ABCA7: variants seen among roughly 807,000 people sequenced by gnomAD.
ABCA7 encodes ATP binding cassette subfamily A member 7.
ABCA7 carries 261 observed loss-of-function variants against 227.6 expected under a neutral mutation model. The observed-to-expected ratio is 1.15, with a 90% CI of 1.04 to 1.27. The LOEUF is 1.27. Among genes scored for constraint, ABCA7 ranks in the 50% most tolerant of loss-of-function variants. The pLI, the probability that ABCA7 is intolerant of heterozygous loss-of-function variation, is 0.00. For synonymous variants in ABCA7, 1,488 were observed against 1,279.7 expected (o/e 1.16, Z -3.47); for missense variants, 3,331 against 2,924.5 (o/e 1.14, Z -3.21).
intron 16 of ABCA7, 89 bp downstream of exon 16, chr19:1,047,743 G>C (rs891188207): frequency 7.2e-7 from 1 of 1,381,736 alleles, no homozygotes; most frequent in Non-Finnish European, 9.6e-7. Flanking sequence ...CCGTTTGGGG[G>C]TGGGGGGTGG....
intron 21 of ABCA7, 21 bp downstream of exon 21, chr19:1,051,607 T>C (rs760893980): frequency 1.9e-6 from 3 of 1,600,060 alleles, no homozygotes; most frequent in Non-Finnish European, 2.6e-6. Flanking sequence ...GGGATTCTGC[T>C]CGAGGGGCCA....
chr19:1,063,041 C>G (rs1320493824), intron 42 of ABCA7, among the ~76,000 whole-genome samples: 1 of 144,766 alleles, frequency 6.9e-6, no homozygotes, highest in Admixed American at 6.8e-5. Flanking sequence ...ACCCCATACT[C>G]ATGCTGTCTC....
At position 1,045,112 on chromosome 19, in the gene ABCA7, A is replaced by G. The variant is rs767001837; in HGVS notation, c.1326A>G (p.Gly442=). 7 of 1,612,710 alleles carry G rather than the reference A, an allele frequency of 4.3e-6. No homozygotes were observed. The highest frequency in any genetic ancestry group is 5.1e-6 in the Non-Finnish European group (6 of 1,179,932). The change falls in exon 12 of 47, where the codon GGA becomes GGG. Residue 442 remains glycine, a synonymous_variant. Transcript: ENST00000263094. ...TCTGGGCCGGCGTCGTCTTCTTGGG[A>G]CCTGAGGACTCTTCAGACCCCACAG... The part of the protein sequence containing the change: ...HRFWAGVVFL[G]PEDSSDPTEH...
chr19:1,056,579 C>T lies in ABCA7; in HGVS notation c.4586+80C>T. 1 of 1,479,062 alleles carries T rather than the reference C, an allele frequency of 6.8e-7. No individual in the cohort carries two copies. The highest frequency in any genetic ancestry group is 9.1e-7 in the Non-Finnish European group (1 of 1,097,492). The allele number at this position is 1,479,062 out of a possible 1,614,324, so 91.6% of individuals were successfully genotyped here. On this transcript the variant is annotated intron_variant, in intron 33 of 46. Transcript: ENST00000263094. This position sits in a 1 kb window ranked among gnomAD's most constrained non-coding sequence, Gnocchi z 4.3. Reference sequence around the variant, plus strand: ...TCTCTGTCGTTTGGGGTGGTGGGAGCTGGATTTGAACCCTGACACACTCTT... The same window carrying T: ...TCTCTGTCGTTTGGGGTGGTGGGAGTTGGATTTGAACCCTGACACACTCTT...
At chr19:1,055,650 G>A (rs922731048) in intron 30 of ABCA7, among the ~76,000 whole-genome samples, 3 of 151,754 alleles carry the variant, frequency 2.0e-5, no homozygotes, top group South Asian at 4.2e-4. Flanking sequence ...TTACAGGCAC[G>A]CACCACCACT....
chr19:1,065,085 C>G lies in ABCA7; in HGVS notation c.6199C>G (p.Leu2067Val). ...GCTGCCGCCGGGAGGGCGCTGCGCC[C>G]TGGCGCGCGTCTTTGGAGAGCTGGC... ...FQLPPGGRCA[L>V]ARVFGELAVH... is the part of the protein sequence containing the mutation. The change falls in exon 46 of 47, where the codon CTG (leucine) becomes GTG (valine). Residue 2067 changes from leucine (L) to valine (V), a missense_variant. Physicochemically the swap from Leu to Val is conservative, Grantham distance 32. Transcript: ENST00000263094. 1 of 1,573,372 alleles carries G rather than the reference C, an allele frequency of 6.4e-7. No homozygotes were observed. Among genetic ancestry groups the G allele is most frequent in the East Asian group, 2.4e-5 (1 of 42,326 alleles).
intron 6 of ABCA7, 49 bp downstream of exon 6, chr19:1,042,446 G>T: frequency 1.2e-6 from 2 of 1,602,966 alleles, no homozygotes; most frequent in Non-Finnish European, 1.7e-6. Context: ...CACTGCACTG[G>T]GGATGTCCTG....
At chr19:1,060,299 C>A (rs938759605) in intron 40 of ABCA7, among the ~76,000 whole-genome samples, 1 of 151,692 alleles carries the variant, frequency 6.6e-6, no homozygotes, top group African/African-American at 2.4e-5. Flanking sequence ...GTAACCTCCG[C>A]CTCCCAGGTT....
Position 1,053,426 on chromosome 19 carries a change from G to C in ABCA7, c.3318G>C (p.Thr1106=). Residue 1106 remains threonine, a synonymous_variant, in exon 24 of 47, where the codon ACG becomes ACC. Transcript: ENST00000263094. The stretch of plus-strand genomic sequence containing the variant: ...AGCTGGTGCTGGTGCTGCCCTACAC[G>C]GGTGCCCATGACGGCAGCTTCGCCA... The part of the protein sequence containing the change: ...PHELVLVLPY[T]GAHDGSFATL... 1 of 1,606,530 alleles carries C rather than the reference G, an allele frequency of 6.2e-7. No individual in the cohort carries two copies.
rs759984255 is a variant in ABCA7, at chr19:1,041,999, G to A, written c.302+27G>A. On this transcript the variant is annotated intron_variant, in intron 4 of 46. Coordinates refer to ENST00000263094, the MANE Select transcript of ABCA7 (RefSeq NM_019112.4). ...TGAGCCAGAGGCAGTGGGTGCGGCC[G>A]GCCTGCAAACTCGGGGCTGCAGTGC... 1.7e-5 allele frequency: 27 copies of A among 1,576,638 alleles called. No homozygotes were observed. The Admixed American group carries it at 1.8e-4, about 11-fold the overall frequency.
At position 1,052,275 on chromosome 19, in the gene ABCA7, G is replaced by A; in HGVS notation, c.3209G>A (p.Gly1070Asp). 3.9e-6 allele frequency: 6 copies of A among 1,541,880 alleles called. No homozygotes were observed. Among genetic ancestry groups the A allele is most frequent in the Non-Finnish European group, 5.2e-6 (6 of 1,145,110 alleles). Residue 1070 changes from glycine to aspartate, a missense_variant, in exon 23 of 47, where the codon GGC becomes GAC. Transcript: ENST00000263094. Reference sequence around the variant, plus strand: ...CAGGAAAAGAAGAATGGCAGCCAGGGCAGCAGAGTCGGTGAGGGCCGGGGT... The same window carrying A: ...CAGGAAAAGAAGAATGGCAGCCAGGACAGCAGAGTCGGTGAGGGCCGGGGT... ...TRQEKKNGSQ[G>D]SRVGTPQLLA... is the part of the protein sequence containing the mutation.
Position 1,044,983 on chromosome 19 carries a change from T to G in ABCA7, c.1216-19T>G. 6.2e-7 allele frequency: 1 copy of G among 1,610,984 alleles called. No homozygotes were observed. ...GCAGGCGGACCCCAGCGCCTAGGAC[T>G]CACCCCCGCATCCCACAGTGCCTGT... On this transcript the variant is annotated intron_variant, in intron 11 of 46. Transcript: ENST00000263094.
At chr19:1,061,645 G>A in intron 40 of ABCA7, 137 bp from the exon 41 acceptor site, 1 of 751,412 alleles carries the variant, frequency 1.3e-6, no homozygotes, top group Non-Finnish European at 2.1e-6. Context: ...GTTGCAGTGA[G>A]CCAAGATCGC....
chr19:1,050,198 G>C (rs994166424), intron 18 of ABCA7, among the ~76,000 whole-genome samples: 1 of 150,794 alleles, frequency 6.6e-6, no homozygotes, highest in African/African-American at 2.4e-5. Flanking sequence ...ATTGCCTGAG[G>C]TCAGAGTTTG....
chr19:1,041,477 G>C (rs370417794), intron 2 of ABCA7, 33 bp from the exon 3 acceptor site: 6 of 1,613,508 alleles, frequency 3.7e-6, no homozygotes, highest in Non-Finnish European at 5.1e-6. Flanking sequence ...AGCCCCCACT[G>C]TCCCCCACCG....
chr19:1,051,223 C>G lies in ABCA7; in HGVS notation c.2753C>G (p.Pro918Arg), dbSNP rs899621063. Residue 918 changes from proline (P) to arginine (R), a missense_variant, in exon 20 of 47, where the codon CCC becomes CGC. By Grantham distance (103) the Pro-to-Arg change is moderately radical. Transcript: ENST00000263094. ...GGTCTGAGTGCCGCTGTAGTGGGCC[C>G]CGAGCAGGACCGTCTGCTGCAGGAT... is the stretch of plus-strand genomic sequence containing the variant. ...LKGLSAAVVG[P>R]EQDRLLQDVG... is the part of the protein sequence containing the mutation. 10 of 1,610,756 alleles carry G rather than the reference C, an allele frequency of 6.2e-6. No homozygotes were observed. The highest frequency in any genetic ancestry group is 3.3e-5 in the South Asian group (3 of 91,012).
chr19:1,045,376 G>C (rs934580400), intron 12 of ABCA7, 145 bp downstream of exon 12: 4 of 866,140 alleles, frequency 4.6e-6, no homozygotes, highest in Non-Finnish European at 7.0e-6. Context: ...CCAGAGCCCG[G>C]GGCTCCTTAG....
chr19:1,058,085 G>T, intron 36 of ABCA7, 26 bp downstream of exon 36: 1 of 1,613,984 alleles, frequency 6.2e-7, no homozygotes, highest in Non-Finnish European at 8.5e-7. Flanking sequence ...GCTGGGGCTT[G>T]GGCTGGGTTG....
At position 1,051,021 on chromosome 19, in the gene ABCA7, G is replaced by C. The variant is rs367978960; in HGVS notation, c.2653G>C (p.Val885Leu). Residue 885 changes from valine to leucine, a missense_variant, in exon 19 of 47, where the codon GTC becomes CTC. Coordinates refer to ENST00000263094, the MANE Select transcript of ABCA7 (RefSeq NM_019112.4). Reference sequence around the variant, plus strand: ...GGCCGCCATCCGGCCCCACCTGGGCGTCTGTCCTCAGTACAACGTGCTGTT... The same window carrying C: ...GGCCGCCATCCGGCCCCACCTGGGCCTCTGTCCTCAGTACAACGTGCTGTT... ...SMAAIRPHLGVCPQYNVLFDM... is the reference protein window; with the variant it reads ...SMAAIRPHLGLCPQYNVLFDM... 1 of 1,612,076 alleles carries C rather than the reference G, an allele frequency of 6.2e-7. No homozygotes were observed. Among genetic ancestry groups the C allele is most frequent in the East Asian group, 2.2e-5 (1 of 44,878 alleles).
Sources: allele counts gnomAD v4.1 joint callset (sites outside exome capture counted in the v4.1 genomes callset), GRCh38; gene constraint gnomAD v4.1.1; non-coding constraint Gnocchi (gnomAD v3.1); transcripts MANE v1.5; gene names NCBI Gene and HGNC (gene_info 2026-07-23, HGNC 2026-07-21).